OPA1: variants seen among roughly 807,000 people sequenced by gnomAD.
OPA1 encodes OPA1 mitochondrial dynamin like GTPase.
Under a neutral mutation model 152.9 loss-of-function variants are expected in OPA1, and 59 were observed. The observed-to-expected ratio is 0.39, with a 90% CI of 0.31 to 0.48. The LOEUF (loss-of-function observed/expected upper bound fraction) is 0.48. Ranked by LOEUF, OPA1 falls within the 20% of genes least tolerant of loss-of-function variation. The pLI, the probability that OPA1 is intolerant of heterozygous loss-of-function variation, is 0.96. For missense variants in OPA1, 1,008 were observed against 1,216.8 expected, an observed-to-expected ratio of 0.83 and a Z score of 2.55; for synonymous variants, 400 against 389.9, an observed-to-expected ratio of 1.03 and a Z score of -0.31.
chr3:193,619,141 A>G (rs1035759375), intron 6 of OPA1, among the ~76,000 whole-genome samples: 5 of 152,250 alleles, frequency 3.3e-5, no homozygotes, highest in African/African-American at 7.2e-5. Flanking sequence ...TTTCTTTCAC[A>G]TATGTCCAGT....
chr3:193,608,820 ATTG>A (rs1451682797), intron 1 of OPA1, among the ~76,000 whole-genome samples: 1 of 151,846 alleles, frequency 6.6e-6, no homozygotes, highest in East Asian at 1.9e-4. Context: ...GTCTCCCATT[ATTG>A]TTGTGTGGGA....
chr3:193,638,085 C>T lies in OPA1; in HGVS notation c.1149+20C>T. On this transcript the variant is annotated intron_variant, in intron 11 of 30. Transcript: ENST00000361510. ...GTTAAGGTAAGAACATAGGCCGTCT[C>T]AGTGAGGTTCCTTAGGAGAGTAACT... The T allele has an allele frequency of 6.4e-7, 1 of 1,561,782 alleles. No homozygotes were observed. Among genetic ancestry groups the T allele is most frequent in the South Asian group, 1.1e-5 (1 of 89,728 alleles).
chr3:193,669,267 T>C (rs1717386151), intron 29 of OPA1, among the ~76,000 whole-genome samples: 1 of 152,262 alleles, frequency 6.6e-6, no homozygotes, highest in Non-Finnish European at 1.5e-5. Flanking sequence ...ATAATCTAAG[T>C]TCTGCATTGC....
Position 193,657,063 on chromosome 3 carries a change from C to G in OPA1, c.2179-17C>G. ...ATGTAGTAATAATATGGCTTTTTTT[C>G]TTTCAAATAATTATAGGTTGCTTGG... On this transcript the variant is annotated splice_polypyrimidine_tract_variant and intron_variant, in intron 22 of 30. Coordinates refer to ENST00000361510, the MANE Select transcript of OPA1 (RefSeq NM_130837.3). 1 of 1,587,538 alleles carries G rather than the reference C, an allele frequency of 6.3e-7. No homozygotes were observed. The highest frequency in any genetic ancestry group is 2.3e-5 in the East Asian group (1 of 44,354).
chr3:193,693,168 C>G (rs190213352), intron 30 of OPA1, among the ~76,000 whole-genome samples: 96 of 152,312 alleles, frequency 6.3e-4, no homozygotes, highest in African/African-American at 2.2e-3. Flanking sequence ...AGAAAAGGCT[C>G]TTAAACCAAA....
At chr3:193,693,259 G>C (rs1721918442) in intron 30 of OPA1, among the ~76,000 whole-genome samples, 1 of 152,222 alleles carries the variant, frequency 6.6e-6, no homozygotes, top group Non-Finnish European at 1.5e-5. Flanking sequence ...ACATCATTCG[G>C]AACAGTGTGC....
At chr3:193,599,248 G>A (rs1304693879) in intron 1 of OPA1, among the ~76,000 whole-genome samples, 12 of 151,788 alleles carry the variant, frequency 7.9e-5, no homozygotes, top group Non-Finnish European at 1.6e-4. Flanking sequence ...CATTGCCTAC[G>A]AAAAAAAGTT....
At position 193,674,053 on chromosome 3, in the gene OPA1, C is replaced by T. The variant is rs149617884; in HGVS notation, c.2983+6773C>T. Among the ~76,000 whole-genome samples the T allele has an allele frequency of 3.3e-5, 5 of 152,320 alleles. 1 individual carries two copies. In the East Asian group the frequency reaches 9.6e-4, roughly 29 times the overall value. ...AGAGTCGGGCTCGCAGCAGCGTGCT[C>T]GGCCTCTTGCCTCTGTTGACTGTTC... On this transcript the variant is annotated intron_variant, in intron 29 of 30. Transcript: ENST00000361510.
intron 11 of OPA1, among the ~76,000 whole-genome samples, chr3:193,640,786 T>C (rs533955021): frequency 1.1e-3 from 169 of 152,276 alleles, no homozygotes; most frequent in African/African-American, 3.8e-3. Flanking sequence ...TGTAGAATAA[T>C]TGGAAGATTG....
intron 1 of OPA1, among the ~76,000 whole-genome samples, chr3:193,597,383 C>T (rs566923551): frequency 4.6e-5 from 7 of 152,240 alleles, no homozygotes; most frequent in African/African-American, 9.6e-5. Context: ...AGAGCTGTTT[C>T]GCTGAAGTGA....
At chr3:193,679,171 G>T (rs1719713527) in intron 29 of OPA1, among the ~76,000 whole-genome samples, 1 of 152,162 alleles carries the variant, frequency 6.6e-6, no homozygotes, top group African/African-American at 2.4e-5. Context: ...GGACTTAAGT[G>T]CAGCAGACCA....
chr3:193,662,315 G>A (rs1459360884), intron 25 of OPA1, among the ~76,000 whole-genome samples: 1 of 152,114 alleles, frequency 6.6e-6, no homozygotes, highest in East Asian at 1.9e-4. Context: ...TTATGAAAAA[G>A]CTTTTTAAAA....
intron 1 of OPA1, among the ~76,000 whole-genome samples, chr3:193,594,919 A>G (rs575025024): frequency 6.6e-6 from 1 of 152,344 alleles, no homozygotes; most frequent in East Asian, 1.9e-4. Context: ...TTAAATAAAA[A>G]GAGAAAAGAC....
chr3:193,693,259 G>T (rs1721918442), intron 30 of OPA1, among the ~76,000 whole-genome samples: 1 of 152,222 alleles, frequency 6.6e-6, no homozygotes, highest in Non-Finnish European at 1.5e-5. Context: ...ACATCATTCG[G>T]AACAGTGTGC....
intron 3 of OPA1, 41 bp downstream of exon 3, chr3:193,615,811 CGAG>C (rs1560329795): frequency 8.9e-7 from 1 of 1,121,270 alleles, no homozygotes; most frequent in Non-Finnish European, 1.4e-6. Context: ...TTGGTCATCT[CGAG>C]GAAAGAGAAA....
At chr3:193,621,184 A>C (rs1729998897) in intron 6 of OPA1, among the ~76,000 whole-genome samples, 1 of 152,266 alleles carries the variant, frequency 6.6e-6, no homozygotes, top group Admixed American at 6.5e-5. Context: ...TAAAAAAGTA[A>C]TAATAATTGA....
At position 193,678,005 on chromosome 3, in the gene OPA1, T is replaced by C. The variant is rs185006283; in HGVS notation, c.2983+10725T>C. Among the ~76,000 whole-genome samples, 9 of 152,340 alleles carry C rather than the reference T, an allele frequency of 5.9e-5. No individual in the cohort carries two copies. The East Asian group carries it at 9.6e-4, about 16-fold the overall frequency. ...TCATCTGAAAATAAATCAAAATCTTTGTTGAACTCACAGTTTCCACACTTG... is the reference window on the plus strand; with the variant it reads ...TCATCTGAAAATAAATCAAAATCTTCGTTGAACTCACAGTTTCCACACTTG... On this transcript the variant is annotated intron_variant, in intron 29 of 30. Transcript: ENST00000361510.
intron 1 of OPA1, among the ~76,000 whole-genome samples, chr3:193,604,687 C>G (rs1369589119): frequency 1.3e-5 from 2 of 151,604 alleles, no homozygotes; most frequent in Non-Finnish European, 2.9e-5. Flanking sequence ...ATGGAGAAAC[C>G]CTGTCTCTAC....
intron 15 of OPA1, 138 bp downstream of exon 15, chr3:193,643,765 T>C: frequency 1.1e-6 from 1 of 918,156 alleles, no homozygotes; most frequent in East Asian, 2.6e-5. Flanking sequence ...ATTTTATTAG[T>C]AAATTAAATT....
Sources: gnomAD v4.1 joint callset for allele counts (sites outside exome capture counted in the v4.1 genomes callset) on GRCh38, gnomAD v4.1.1 for gene constraint, MANE v1.5 for transcripts, NCBI Gene and HGNC (gene_info 2026-07-23, HGNC 2026-07-21) for gene names.